The following H4C7 variants were observed in gnomAD, a reference collection of about 807,000 sequenced individuals.
The protein encoded by H4C7 is histone H4-like protein type G.
In H4C7, 7 loss-of-function variants were observed where a neutral mutation model predicts 5.2. The observed-to-expected ratio is 1.34, with a 90% CI of 0.76 to 2.52. The LOEUF (loss-of-function observed/expected upper bound fraction) is 2.52, where lower values mean the gene tolerates loss of function less well. Among genes scored for constraint, H4C7 ranks in the 30% most tolerant of loss-of-function variants. The pLI is 0.00. For synonymous variants in H4C7, 69 were observed against 57.5 expected (o/e 1.20, Z -0.90); for missense variants, 148 against 138.4 (o/e 1.07, Z -0.35).
At position 26,246,857 on chromosome 6, in the gene H4C7, G is replaced by A. The variant is rs770304579; in HGVS notation, c.121C>T (p.His41Tyr). Residue 41 changes from histidine to tyrosine, a missense_variant, in exon 1 of 1, where the codon CAT becomes TAT. Transcript: ENST00000611444. Reference protein sequence around the residue: ...TKCTIRRLARHGGVKRILGLI... With the variant: ...TKCTIRRLARYGGVKRILGLI... ...CCCAAGATGCGCTTGACACCGCCAT[G>A]CCGGGCCAAGCGCCGGATAGTGCAC... 1.2e-6 allele frequency: 2 copies of A among 1,614,194 alleles called. No individual in the cohort carries two copies. The highest frequency in any genetic ancestry group is 1.7e-5 in the Admixed American group (1 of 60,032).
At position 26,246,692 on chromosome 6, in the gene H4C7, T is replaced by C. The variant is rs1369436111; in HGVS notation, c.286A>G (p.Arg96Gly). The C allele has an allele frequency of 3.1e-6, 5 of 1,593,192 alleles. No homozygotes were observed. The highest frequency in any genetic ancestry group is 1.1e-5 in the South Asian group (1 of 89,612). ...TAACCGCCAAAGCCTTACAGGGTTC[T>C]TCCCTGGCGTTTGAGCACGTAGACC... ...AVVYVLKRQGRTL is the reference protein window; with the variant it reads ...AVVYVLKRQGGTL The change falls in exon 1 of 1, where the codon AGA becomes GGA. Residue 96 changes from arginine (R) to glycine (G), a missense_variant. Physicochemically the swap from Arg to Gly is moderately radical, Grantham distance 125. Coordinates refer to ENST00000611444, the MANE Select transcript of H4C7 (RefSeq NM_003547.3).
rs963943915 is a variant in H4C7 at position 26,246,759 on chromosome 6, G to A, written c.219C>T (p.Asn73=). The change falls in exon 1 of 1, where the codon AAC becomes AAT. Residue 73 remains asparagine (N), a synonymous_variant. Transcript: ENST00000611444. ...CCGTCTTGCGCTTGGCGTGCTCCGT[G>A]TTGGTCACGGCGTACCAGATCACAT... ...LENVIWYAVT[N]TEHAKRKTVT... is the part of the protein sequence containing the mutation. 3.1e-6 allele frequency: 5 copies of A among 1,613,966 alleles called. No homozygotes were observed. Among genetic ancestry groups the A allele is most frequent in the Non-Finnish European group, 4.2e-6 (5 of 1,179,944 alleles).
Position 26,246,932 on chromosome 6 carries a change from C to A in H4C7, c.46G>T (p.Ala16Ser). The A allele has an allele frequency of 6.2e-7, 1 of 1,604,048 alleles. No individual in the cohort carries two copies. The highest frequency in any genetic ancestry group is 8.5e-7 in the Non-Finnish European group (1 of 1,171,464). The change falls in exon 1 of 1, where the codon GCC becomes TCC. Residue 16 changes from alanine (A) to serine (S), a missense_variant. Transcript: ENST00000611444. ...CTCAGTACCTTGCGATGGCACTTGGCACCGCCTTTCCCAAGGCCTTTTCCG... is the reference window on the plus strand; with the variant it reads ...CTCAGTACCTTGCGATGGCACTTGGAACCGCCTTTCCCAAGGCCTTTTCCG... ...KAGKGLGKGG[A>S]KCHRKVLSDN...
chr6:26,246,882 C>G lies in H4C7; in HGVS notation c.96G>C (p.Lys32Asn). The G allele has an allele frequency of 1.2e-6, 2 of 1,614,234 alleles. No homozygotes were observed. Among genetic ancestry groups the G allele is most frequent in the South Asian group, 1.1e-5 (1 of 91,086 alleles). Residue 32 changes from lysine to asparagine, a missense_variant, in exon 1 of 1, where the codon AAG becomes AAC. Transcript: ENST00000611444. ...GCCGGGCCAAGCGCCGGATAGTGCA[C>G]TTGGTAATGCCCTGAATATTATCGC... Reference protein sequence around the residue: ...VLSDNIQGITKCTIRRLARHG... With the variant: ...VLSDNIQGITNCTIRRLARHG...
In H4C7 at chr6:26,246,783, AT is replaced by A; in HGVS notation, c.194del (p.Asn65MetfsTer2). On this transcript the variant is annotated frameshift_variant, in exon 1 of 1. Coordinates refer to ENST00000611444, the MANE Select transcript of H4C7 (RefSeq NM_003547.3). LOFTEE classifies it high-confidence loss of function. The part of the protein sequence containing the change: ...TRRVFKVFLE[N>X]VIWYAVTNTE... The stretch of plus-strand genomic sequence containing the variant: ...TGTTGGTCACGGCGTACCAGATCAC[AT>A]TTTCCAGGAACACCTTGAACACCCG... 1 of 1,614,068 alleles carries A rather than the reference AT, an allele frequency of 6.2e-7. No homozygotes were observed. The highest frequency in any genetic ancestry group is 8.5e-7 in the Non-Finnish European group (1 of 1,180,006).
At position 26,246,847 on chromosome 6, in the gene H4C7, A is replaced by T; in HGVS notation, c.131T>A (p.Val44Asp). The T allele has an allele frequency of 6.2e-7, 1 of 1,614,162 alleles. No individual in the cohort carries two copies. The highest frequency in any genetic ancestry group is 1.1e-5 in the South Asian group (1 of 91,086). ...ATAAATGAGGCCCAAGATGCGCTTG[A>T]CACCGCCATGCCGGGCCAAGCGCCG... ...TIRRLARHGG[V>D]KRILGLIYEE... The change falls in exon 1 of 1, where the codon GTC becomes GAC. Residue 44 changes from valine to aspartate, a missense_variant. By Grantham distance (152) the Val-to-Asp change is radical. Coordinates refer to ENST00000611444, the MANE Select transcript of H4C7 (RefSeq NM_003547.3).
rs952551214 is a variant in H4C7 at position 26,246,742 on chromosome 6, C to T, written c.236G>A (p.Arg79His). 10 of 1,613,022 alleles carry T rather than the reference C, an allele frequency of 6.2e-6. No homozygotes were observed. The highest frequency in any genetic ancestry group is 8.5e-6 in the Non-Finnish European group (10 of 1,179,174). The change falls in exon 1 of 1, where the codon CGC (arginine) becomes CAC (histidine). Residue 79 changes from arginine to histidine, a missense_variant. Arg to His is a conservative substitution (Grantham distance 29). Transcript: ENST00000611444. ...YAVTNTEHAK[R>H]KTVTAMAVVY... ...CACGGCCATGGCGGTGACCGTCTTG[C>T]GCTTGGCGTGCTCCGTGTTGGTCAC...
In H4C7 at chr6:26,246,981, A is replaced by C; in HGVS notation, c.-4T>G. 6.3e-7 allele frequency: 1 copy of C among 1,583,274 alleles called. No individual in the cohort carries two copies. Among genetic ancestry groups the C allele is most frequent in the Middle Eastern group, 1.7e-4 (1 of 5,830 alleles). On this transcript the variant is annotated 5_prime_UTR_variant, in exon 1 of 1. Coordinates refer to ENST00000611444, the MANE Select transcript of H4C7 (RefSeq NM_003547.3). The stretch of plus-strand genomic sequence containing the variant: ...CGGCCTTGCCCCGAACAGACATGAT[A>C]AACAAGTCAGAACTATCTCTAAACA...
Position 26,246,741 on chromosome 6 carries a change from G to T in H4C7, c.237C>A (p.Arg79=). 1 of 1,612,988 alleles carries T rather than the reference G, an allele frequency of 6.2e-7. No individual in the cohort carries two copies. The highest frequency in any genetic ancestry group is 8.5e-7 in the Non-Finnish European group (1 of 1,179,064). Residue 79 remains arginine (R), a synonymous_variant, in exon 1 of 1, where the codon CGC becomes CGA. Coordinates refer to ENST00000611444, the MANE Select transcript of H4C7 (RefSeq NM_003547.3). ...YAVTNTEHAK[R]KTVTAMAVVY... The stretch of plus-strand genomic sequence containing the variant: ...CCACGGCCATGGCGGTGACCGTCTT[G>T]CGCTTGGCGTGCTCCGTGTTGGTCA...
At position 26,246,905 on chromosome 6, in the gene H4C7, C is replaced by T. The variant is rs757449544; in HGVS notation, c.73G>A (p.Asp25Asn). 10 of 1,612,612 alleles carry T rather than the reference C, an allele frequency of 6.2e-6. No individual in the cohort carries two copies. The South Asian group carries it at 9.9e-5, about 16-fold the overall frequency. ...CACTTGGTAATGCCCTGAATATTAT[C>T]GCTCAGTACCTTGCGATGGCACTTG... ...GAKCHRKVLS[D>N]NIQGITKCTI... Residue 25 changes from aspartate (D) to asparagine (N), a missense_variant, in exon 1 of 1, where the codon GAT (aspartate) becomes AAT (asparagine). By Grantham distance (23) the Asp-to-Asn change is conservative (BLOSUM62 1). Coordinates refer to ENST00000611444, the MANE Select transcript of H4C7 (RefSeq NM_003547.3).
chr6:26,246,613 C>T lies in H4C7; in HGVS notation c.*68G>A. ...CGTGAGCCCTTCGGAAGAAAACGTA[C>T]GCGGCCCTGAAAAGGGCCATTAACG... On this transcript the variant is annotated 3_prime_UTR_variant, in exon 1 of 1. Transcript: ENST00000611444. The T allele has an allele frequency of 2.1e-6, 3 of 1,431,832 alleles. No individual in the cohort carries two copies. Among genetic ancestry groups the T allele is most frequent in the Non-Finnish European group, 1.9e-6 (2 of 1,060,220 alleles). The allele number at this position is 1,431,832 out of a possible 1,614,324, so 88.7% of individuals were successfully genotyped here. A position where few individuals can be genotyped will look rare whatever the true frequency, so the allele number is the denominator to read the frequency against.
rs564083228 is a variant in H4C7 at position 26,246,807 on chromosome 6, C to G, written c.171G>C (p.Arg57=). 1 of 1,614,162 alleles carries G rather than the reference C, an allele frequency of 6.2e-7. No homozygotes were observed. The highest frequency in any genetic ancestry group is 8.5e-7 in the Non-Finnish European group (1 of 1,180,020). The change falls in exon 1 of 1, where the codon CGG becomes CGC. Residue 57 remains arginine (R), a synonymous_variant. Transcript: ENST00000611444. ...ILGLIYEETR[R]VFKVFLENVI... ...CATTTTCCAGGAACACCTTGAACAC[C>G]CGGCGGGTCTCCTCATAAATGAGGC...
chr6:26,246,787 T>G lies in H4C7; in HGVS notation c.191A>C (p.Glu64Ala). 1.2e-6 allele frequency: 2 copies of G among 1,614,164 alleles called. No individual in the cohort carries two copies. Among genetic ancestry groups the G allele is most frequent in the Non-Finnish European group, 1.7e-6 (2 of 1,180,018 alleles). The change falls in exon 1 of 1, where the codon GAA becomes GCA. Residue 64 changes from glutamate (E) to alanine (A), a missense_variant. Transcript: ENST00000611444. Reference sequence around the variant, plus strand: ...GGTCACGGCGTACCAGATCACATTTTCCAGGAACACCTTGAACACCCGGCG... The same window carrying G: ...GGTCACGGCGTACCAGATCACATTTGCCAGGAACACCTTGAACACCCGGCG... ...ETRRVFKVFL[E>A]NVIWYAVTNT... is the part of the protein sequence containing the mutation.
rs1759968482 is a variant in H4C7 at position 26,246,818 on chromosome 6, C to T, written c.160G>A (p.Glu54Lys). Residue 54 changes from glutamate (E) to lysine (K), a missense_variant, in exon 1 of 1, where the codon GAG (glutamate) becomes AAG (lysine). Transcript: ENST00000611444. Reference sequence around the variant, plus strand: ...AACACCTTGAACACCCGGCGGGTCTCCTCATAAATGAGGCCCAAGATGCGC... The same window carrying T: ...AACACCTTGAACACCCGGCGGGTCTTCTCATAAATGAGGCCCAAGATGCGC... ...VKRILGLIYEETRRVFKVFLE... is the reference protein window; with the variant it reads ...VKRILGLIYEKTRRVFKVFLE... The T allele has an allele frequency of 1.2e-6, 2 of 1,614,204 alleles. No homozygotes were observed. Among genetic ancestry groups the T allele is most frequent in the East Asian group, 4.5e-5 (2 of 44,868 alleles).
chr6:26,246,988 T>C lies in H4C7; in HGVS notation c.-11A>G, dbSNP rs1282695028. 6.4e-7 allele frequency: 1 copy of C among 1,573,012 alleles called. No individual in the cohort carries two copies. The highest frequency in any genetic ancestry group is 8.7e-7 in the Non-Finnish European group (1 of 1,153,412). Reference sequence around the variant, plus strand: ...GCCCCGAACAGACATGATAAACAAGTCAGAACTATCTCTAAACAAAACGAT... The same window carrying C: ...GCCCCGAACAGACATGATAAACAAGCCAGAACTATCTCTAAACAAAACGAT... On this transcript the variant is annotated 5_prime_UTR_variant, in exon 1 of 1. Coordinates refer to ENST00000611444, the MANE Select transcript of H4C7 (RefSeq NM_003547.3).
Position 26,246,750 on chromosome 6 carries a change from G to A in H4C7, c.228C>T (p.His76=), listed in dbSNP as rs1199279587. The A allele has an allele frequency of 2.5e-6, 4 of 1,613,580 alleles. No individual in the cohort carries two copies. In the East Asian group the frequency reaches 8.9e-5, roughly 36 times the overall value. Residue 76 remains histidine (H), a synonymous_variant, in exon 1 of 1, where the codon CAC becomes CAT. Transcript: ENST00000611444. ...VIWYAVTNTE[H]AKRKTVTAMA... ...TGGCGGTGACCGTCTTGCGCTTGGC[G>A]TGCTCCGTGTTGGTCACGGCGTACC... is the stretch of plus-strand genomic sequence containing the variant.
In H4C7 at chr6:26,246,955, C is replaced by G. The variant is rs1759971851; in HGVS notation, c.23G>C (p.Gly8Ala). The part of the protein sequence containing the change: MSVRGKA[G>A]KGLGKGGAKC... Reference sequence around the variant, plus strand: ...GGCACCGCCTTTCCCAAGGCCTTTTCCGGCCTTGCCCCGAACAGACATGAT... The same window carrying G: ...GGCACCGCCTTTCCCAAGGCCTTTTGCGGCCTTGCCCCGAACAGACATGAT... Residue 8 changes from glycine (G) to alanine (A), a missense_variant, in exon 1 of 1, where the codon GGA becomes GCA. Gly to Ala is a moderately conservative substitution (Grantham distance 60). Coordinates refer to ENST00000611444, the MANE Select transcript of H4C7 (RefSeq NM_003547.3). The G allele has an allele frequency of 6.3e-7, 1 of 1,599,956 alleles. No individual in the cohort carries two copies. The highest frequency in any genetic ancestry group is 1.3e-5 in the African/African-American group (1 of 74,588).
Sources: gnomAD v4.1 joint callset for allele counts on GRCh38, gnomAD v4.1.1 for gene constraint, MANE v1.5 for transcripts, NCBI Gene and HGNC (gene_info 2026-07-23, HGNC 2026-07-21) for gene names.